The following GALNT2 variants were observed in gnomAD, a reference collection of about 807,000 sequenced individuals.
The protein encoded by GALNT2 is UDP-GalNAc:polypeptide N-acetylgalactosaminyltransferase 2.
In GALNT2, 31 loss-of-function variants were observed where a neutral mutation model predicts 81.4. The observed-to-expected ratio is 0.38, with a 90% CI of 0.29 to 0.51. The LOEUF is 0.51. GALNT2 is among the 20% of genes least tolerant of loss of function. The pLI is 0.87. For synonymous variants in GALNT2, 303 were observed against 287.4 expected, an observed-to-expected ratio of 1.05 and a Z score of -0.55; for missense variants, 629 against 765.7, an observed-to-expected ratio of 0.82 and a Z score of 2.11.
chr1:230,086,692 T>C (rs1659908116), intron 1 of GALNT2, among the ~76,000 whole-genome samples: 2 of 152,324 alleles, frequency 1.3e-5, no homozygotes, highest in South Asian at 4.1e-4. Flanking sequence ...TGCTGCAGCC[T>C]GAATCTCCTG....
At chr1:230,267,022 G>A (rs1666055779) in intron 14 of GALNT2, among the ~76,000 whole-genome samples, 1 of 133,766 alleles carries the variant, frequency 7.5e-6, no homozygotes, top group Non-Finnish European at 1.6e-5. Flanking sequence ...ACACACAATA[G>A]CACATATGCT....
chr1:230,181,655 G>A (rs574680078), intron 2 of GALNT2, among the ~76,000 whole-genome samples: 25 of 151,834 alleles, frequency 1.6e-4, no homozygotes, highest in South Asian at 1.3e-3. Context: ...CTCCCAAAGC[G>A]CTGGGATTAC....
intron 1 of GALNT2, among the ~76,000 whole-genome samples, chr1:230,092,945 G>A (rs7520308): frequency 0.71 from 107,838 of 152,046 alleles, 38,484 homozygotes; most frequent in African/African-American, 0.78. Context: ...CCATGGAGCC[G>A]GATCCTGGCT....
At chr1:230,098,986 G>A (rs1321485186) in intron 1 of GALNT2, among the ~76,000 whole-genome samples, 2 of 152,178 alleles carry the variant, frequency 1.3e-5, no homozygotes, top group African/African-American at 4.8e-5. Flanking sequence ...CTGGTCACGT[G>A]CCCCCCTTTA....
At chr1:230,085,364 T>G (rs1229096025) in intron 1 of GALNT2, among the ~76,000 whole-genome samples, 1 of 152,206 alleles carries the variant, frequency 6.6e-6, no homozygotes, top group Non-Finnish European at 1.5e-5. Flanking sequence ...GGCATACAGA[T>G]GAGCGAGGCC....
At position 230,073,067 on chromosome 1, in the gene GALNT2, A is replaced by T. The variant is rs553629252; in HGVS notation, c.126+5661A>T. On this transcript the variant is annotated intron_variant, in intron 1 of 15. Coordinates refer to ENST00000366672, the MANE Select transcript of GALNT2 (RefSeq NM_004481.5). ...GGTGAGGTGTTTTTAAGGAGGAGGG[A>T]TGTCTTGGTACTTCCATATGCAAAC... Among the ~76,000 whole-genome samples, 630 of 152,086 alleles carry T rather than the reference A, an allele frequency of 4.1e-3. 3 individuals are homozygous for T. Among genetic ancestry groups the T allele is most frequent in the Non-Finnish European group, 6.8e-3 (462 of 67,996 alleles).
At chr1:230,081,330 C>T (rs1231230933) in intron 1 of GALNT2, among the ~76,000 whole-genome samples, 3 of 152,100 alleles carry the variant, frequency 2.0e-5, no homozygotes, top group Non-Finnish European at 4.4e-5. Context: ...TGTTCAGTGG[C>T]CAGGAGATTA....
intron 2 of GALNT2, among the ~76,000 whole-genome samples, chr1:230,178,815 T>C (rs1172248508): frequency 6.6e-6 from 1 of 152,116 alleles, no homozygotes. Flanking sequence ...TCACTCTCGA[T>C]GTTACACATT....
intron 1 of GALNT2, among the ~76,000 whole-genome samples, chr1:230,111,820 T>C (rs887505319): frequency 7.9e-5 from 12 of 152,114 alleles, no homozygotes; most frequent in African/African-American, 2.9e-4. Context: ...AATCTAGAGC[T>C]TTGGACCTGA....
intron 1 of GALNT2, among the ~76,000 whole-genome samples, chr1:230,115,023 T>TTTA (rs1553257662): frequency 1.0e-4 from 15 of 150,658 alleles, no homozygotes; most frequent in African/African-American, 3.4e-4. Context: ...TTTTTTTTTT[T>TTTA]AAGATGGAGT....
intron 1 of GALNT2, among the ~76,000 whole-genome samples, chr1:230,144,554 C>T (rs1472692848): frequency 1.3e-5 from 2 of 152,178 alleles, no homozygotes; most frequent in Non-Finnish European, 2.9e-5. Context: ...ATTGTGCCAA[C>T]ATCTGCAACA....
intron 1 of GALNT2, among the ~76,000 whole-genome samples, chr1:230,126,075 C>A (rs1418866517): frequency 6.6e-6 from 1 of 152,212 alleles, no homozygotes; most frequent in Non-Finnish European, 1.5e-5. Context: ...GAGCGAGGAG[C>A]AGGGAGGCCT....
intron 1 of GALNT2, among the ~76,000 whole-genome samples, chr1:230,141,788 CTTTTTTTTT>C (rs60824749): frequency 0.035 from 3,509 of 101,374 alleles, 156 homozygotes; most frequent in African/African-American, 0.12. Context: ...TTTTGTTTTC[CTTTTTTTTT>C]TTTTTTTTTT....
At chr1:230,242,849 C>G (rs1224395220) in intron 6 of GALNT2, among the ~76,000 whole-genome samples, 1 of 152,148 alleles carries the variant, frequency 6.6e-6, no homozygotes, top group African/African-American at 2.4e-5. Context: ...TATTTAGCTC[C>G]TGATAAGTCT....
At chr1:230,179,059 A>G (rs953435137) in intron 2 of GALNT2, among the ~76,000 whole-genome samples, 1 of 148,852 alleles carries the variant, frequency 6.7e-6, no homozygotes, top group African/African-American at 2.4e-5. Context: ...ACTGAGTAAT[A>G]TATATTTAAT....
chr1:230,164,960 C>T (rs1406963597), intron 1 of GALNT2, among the ~76,000 whole-genome samples: 1 of 152,170 alleles, frequency 6.6e-6, no homozygotes, highest in African/African-American at 2.4e-5. Flanking sequence ...GTGTCCCCTG[C>T]CCCATAGGTT....
At chr1:230,239,562 G>A (rs1665136205) in intron 6 of GALNT2, among the ~76,000 whole-genome samples, 1 of 152,224 alleles carries the variant, frequency 6.6e-6, no homozygotes, top group African/African-American at 2.4e-5. Flanking sequence ...AGCCAGTCCA[G>A]TCTCTCTACA....
At chr1:230,097,511 A>G (rs1272123065) in intron 1 of GALNT2, among the ~76,000 whole-genome samples, 1 of 152,202 alleles carries the variant, frequency 6.6e-6, no homozygotes, top group Non-Finnish European at 1.5e-5. Context: ...TCCTTTTGTG[A>G]CTGGCTCATT....
intron 1 of GALNT2, among the ~76,000 whole-genome samples, chr1:230,059,771 A>G (rs548794798): frequency 1.7e-3 from 252 of 152,198 alleles, no homozygotes; most frequent in Middle Eastern, 6.8e-3. Flanking sequence ...ATTTTAAAAT[A>G]TTTTGCCACT....
Sources: gnomAD v4.1 joint callset for allele counts (sites outside exome capture counted in the v4.1 genomes callset) on GRCh38, gnomAD v4.1.1 for gene constraint, MANE v1.5 for transcripts, NCBI Gene and HGNC (gene_info 2026-07-23, HGNC 2026-07-21) for gene names.